The following DIO2 variants were observed in gnomAD, a reference collection of about 807,000 sequenced individuals.
DIO2 encodes type II iodothyronine deiodinase.
In DIO2, 19 loss-of-function variants were observed where a neutral mutation model predicts 21.4. The observed-to-expected ratio is 0.89, with a 90% CI of 0.62 to 1.30. DIO2 has a LOEUF of 1.30. DIO2 is among the 50% of genes most tolerant of loss of function. The pLI is 0.00. For synonymous variants in DIO2, 122 were observed against 132.9 expected (o/e 0.92, Z 0.57); for missense variants, 302 against 338.1 (o/e 0.89, Z 0.84).
Position 80,218,562 on chromosome 14 carries a change from GA to G in DIO2, c.-277-1826del, listed in dbSNP as rs374105655. ...AGCTGGCCAAATATTCCTGACCCTGGAAAACAAATGCTCTCTAAGTTTCCTG... is the reference window on the plus strand; with the variant it reads ...AGCTGGCCAAATATTCCTGACCCTGGAAACAAATGCTCTCTAAGTTTCCTG... On this transcript the variant is annotated intron_variant, in intron 2 of 4. Transcript: ENST00000553594. Among the ~76,000 whole-genome samples, 575 of 152,230 alleles carry G rather than the reference GA, an allele frequency of 3.8e-3. 6 individuals are homozygous for G. The highest frequency in any genetic ancestry group is 0.013 in the African/African-American group (531 of 41,528).
chr14:80,220,844 T>C (rs1175770955), intron 2 of DIO2, among the ~76,000 whole-genome samples: 5 of 152,118 alleles, frequency 3.3e-5, no homozygotes, highest in African/African-American at 1.2e-4. Flanking sequence ...TGTTTACTGG[T>C]AGTAGAATTG....
rs1223822662 is a variant in DIO2, at chr14:80,203,292, ACGGT to A, written c.223-8_223-5del. ...GGGCATCCTCACCCAATTTCACCTG[ACGGT>A]AAAAAAAAAAAAAAAGAAGAAGAAG... On this transcript the variant is annotated splice_polypyrimidine_tract_variant and splice_region_variant and intron_variant, in intron 1 of 1. Coordinates refer to ENST00000438257, the MANE Select transcript of DIO2 (RefSeq NM_013989.5). 4 of 1,436,180 alleles carry A rather than the reference ACGGT, an allele frequency of 2.8e-6. No individual in the cohort carries two copies. The highest frequency in any genetic ancestry group is 3.6e-6 in the Non-Finnish European group (4 of 1,102,840). The allele number at this position is 1,436,180 out of a possible 1,614,324, so 89.0% of individuals were successfully genotyped here. A position where few individuals can be genotyped will look rare whatever the true frequency, so the allele number is the denominator to read the frequency against.
chr14:80,228,327 G>T (rs1452011734), intron 2 of DIO2, among the ~76,000 whole-genome samples: 1 of 152,190 alleles, frequency 6.6e-6, no homozygotes, highest in African/African-American at 2.4e-5. Flanking sequence ...TGCATACCAG[G>T]TACCAGGAAA....
chr14:80,230,210 G>A (rs541050418), intron 2 of DIO2, among the ~76,000 whole-genome samples: 124 of 152,218 alleles, frequency 8.1e-4, no homozygotes, highest in Admixed American at 1.2e-3. Flanking sequence ...CAAACTCAGC[G>A]TCCCCAGCTT....
chr14:80,212,329 T>C (rs1323625603), upstream of DIO2, among the ~76,000 whole-genome samples: 8 of 145,794 alleles, frequency 5.5e-5, no homozygotes, highest in African/African-American at 2.0e-4. Flanking sequence ...AAAGCAAAAC[T>C]CGACAACTTT....
At chr14:80,205,512 C>T (rs549856368) in intron 1 of DIO2, 112 of 956,920 alleles carry the variant, frequency 1.2e-4, no homozygotes, top group Admixed American at 2.5e-4. Context: ...CTGATTCATC[C>T]GAGCAGACCT....
intron 2 of DIO2, among the ~76,000 whole-genome samples, chr14:80,227,822 C>T (rs1888606013): frequency 6.6e-6 from 1 of 152,178 alleles, no homozygotes; most frequent in African/African-American, 2.4e-5. Flanking sequence ...GCTGGAGTAG[C>T]CCACCCAAAT....
At chr14:80,229,337 G>A (rs1461430146) in intron 2 of DIO2, among the ~76,000 whole-genome samples, 1 of 152,126 alleles carries the variant, frequency 6.6e-6, no homozygotes, top group Non-Finnish European at 1.5e-5. Context: ...TTTGATGGTT[G>A]AGTGCTGCCA....
At chr14:80,229,696 C>A (rs1594885167) in intron 2 of DIO2, among the ~76,000 whole-genome samples, 1 of 152,224 alleles carries the variant, frequency 6.6e-6, no homozygotes, top group African/African-American at 2.4e-5. Context: ...GCTAACCAAG[C>A]AAATAAACTA....
intron 1 of DIO2, among the ~76,000 whole-genome samples, chr14:80,205,363 C>G (rs77699897): frequency 1.3e-5 from 2 of 152,058 alleles, no homozygotes; most frequent in Non-Finnish European, 2.9e-5. Flanking sequence ...CAGATTAGTC[C>G]GTTGTAGGGA....
chr14:80,225,140 T>C (rs1888546714), intron 2 of DIO2, among the ~76,000 whole-genome samples: 1 of 152,192 alleles, frequency 6.6e-6, no homozygotes, highest in South Asian at 2.1e-4. Flanking sequence ...CCCAGCCCAC[T>C]GACTCAAATG....
At chr14:80,227,619 C>T (rs1431389714) in intron 2 of DIO2, among the ~76,000 whole-genome samples, 5 of 152,204 alleles carry the variant, frequency 3.3e-5, no homozygotes, top group Non-Finnish European at 7.3e-5. Flanking sequence ...CTGTGATTCA[C>T]CTATGAGGGC....
Position 80,198,791 on chromosome 14 carries a change from A to C in DIO2, c.*3898T>G, listed in dbSNP as rs906259250. On this transcript the variant is annotated 3_prime_UTR_variant, in exon 2 of 2. Transcript: ENST00000438257. ...TTAGGGAAAAAAAAAAAAAAAAAAA[A>C]ACCTCCTAAAATTAAAAGCCTTACT... is the stretch of plus-strand genomic sequence containing the variant. 7 of 151,920 alleles carry C rather than the reference A, an allele frequency of 4.6e-5. No homozygotes were observed. The highest frequency in any genetic ancestry group is 7.3e-5 in the African/African-American group (3 of 41,378). 9.4% of individuals were successfully genotyped at this position (151,920 alleles called of 1,614,324 possible). A position where few individuals can be genotyped will look rare whatever the true frequency, so the allele number is the denominator to read the frequency against.
chr14:80,209,919 C>T (rs1395842374), intron 1 of DIO2, among the ~76,000 whole-genome samples: 1 of 152,090 alleles, frequency 6.6e-6, no homozygotes, highest in African/African-American at 2.4e-5. Flanking sequence ...GTTACTTCTT[C>T]TCTTTTCTTG....
chr14:80,222,373 A>G (rs1175735698), intron 2 of DIO2, among the ~76,000 whole-genome samples: 1 of 152,214 alleles, frequency 6.6e-6, no homozygotes, highest in African/African-American at 2.4e-5. Context: ...AAAGAGATAA[A>G]CACTGTCAAA....
chr14:80,202,974 A>G lies in DIO2; in HGVS notation c.537T>C (p.Ser179=). Residue 179 remains serine, a synonymous_variant, in exon 2 of 2, where the codon TCT becomes TCC. Coordinates refer to ENST00000438257, the MANE Select transcript of DIO2 (RefSeq NM_013989.5). ...GWAIPGDSSL[S]FEVKKHQNQE... ...GGTTCTGGTGCTTCTTCACCTCAAA[A>G]GACAAAGAGGAGTCCCCCGGTATCG... 6.2e-7 allele frequency: 1 copy of G among 1,614,010 alleles called. No individual in the cohort carries two copies. Among genetic ancestry groups the G allele is most frequent in the South Asian group, 1.1e-5 (1 of 91,078 alleles).
At chr14:80,226,552 G>T (rs1174016420) in intron 2 of DIO2, among the ~76,000 whole-genome samples, 1 of 152,198 alleles carries the variant, frequency 6.6e-6, no homozygotes, top group East Asian at 1.9e-4. Flanking sequence ...CTGCCACCAG[G>T]TAGCTGGCTG....
chr14:80,203,306 AAAAAAG>A lies in DIO2; in HGVS notation c.223-24_223-19del. ...AATTTCACCTGACGGTAAAAAAAAA[AAAAAAG>A]AAGAAGAAGAAGAAGGTGAGAATAT... On this transcript the variant is annotated intron_variant, in intron 1 of 1. Coordinates refer to ENST00000438257, the MANE Select transcript of DIO2 (RefSeq NM_013989.5). 2 of 1,503,598 alleles carry A rather than the reference AAAAAAG, an allele frequency of 1.3e-6. No homozygotes were observed. Among genetic ancestry groups the A allele is most frequent in the South Asian group, 1.3e-5 (1 of 75,758 alleles). 93.1% of individuals were successfully genotyped at this position (1,503,598 alleles called of 1,614,324 possible).
In DIO2 at chr14:80,202,399, T is replaced by C. The variant is rs1379994117; in HGVS notation, c.*290A>G. 1 of 642,894 alleles carries C rather than the reference T, an allele frequency of 1.6e-6. No homozygotes were observed. Among genetic ancestry groups the C allele is most frequent in the Non-Finnish European group, 2.9e-6 (1 of 341,510 alleles). 39.8% of individuals were successfully genotyped at this position (642,894 alleles called of 1,614,324 possible). ...GCATGCATCAGATGTATCAGTTCCTTCTCAATGCAGAATGAACACATGCTG... is the reference window on the plus strand; with the variant it reads ...GCATGCATCAGATGTATCAGTTCCTCCTCAATGCAGAATGAACACATGCTG... On this transcript the variant is annotated 3_prime_UTR_variant, in exon 2 of 2. Transcript: ENST00000438257.
Sources: gnomAD v4.1 joint callset for allele counts (sites outside exome capture counted in the v4.1 genomes callset) on GRCh38, gnomAD v4.1.1 for gene constraint, MANE v1.5 for transcripts, NCBI Gene and HGNC (gene_info 2026-07-23, HGNC 2026-07-21) for gene names.